The following CRACDL variants were observed in gnomAD, a reference collection of about 807,000 sequenced individuals.
CRACDL encodes CRACD-like protein.
Under a neutral mutation model 70.6 loss-of-function variants are expected in CRACDL, and 26 were observed. The observed-to-expected ratio is 0.37, with a 90% CI of 0.27 to 0.51. The LOEUF is 0.51. Ranked by LOEUF, CRACDL falls within the 20% of genes least tolerant of loss-of-function variation. CRACDL has a pLI of 0.94. For missense variants in CRACDL, 1,283 were observed against 1,376.9 expected (o/e 0.93, Z 1.08); for synonymous variants, 618 against 615.2 (o/e 1.00, Z -0.07).
intron 5 of CRACDL, among the ~76,000 whole-genome samples, chr2:98,831,571 T>A (rs1218494304): frequency 6.6e-6 from 1 of 152,218 alleles, no homozygotes; most frequent in Non-Finnish European, 1.5e-5. Context: ...CTATCCATCC[T>A]CCACAGTCAG....
At chr2:98,923,638 G>A (rs12464134) in intron 1 of CRACDL, among the ~76,000 whole-genome samples, 47,863 of 152,080 alleles carry the variant, frequency 0.31, 8,156 homozygotes, top group Admixed American at 0.45. Context: ...GGTCACATAT[G>A]TATACAGGCC....
chr2:98,824,240 G>GTCTGAGTGAC, intron 6 of CRACDL, among the ~76,000 whole-genome samples: 1 of 152,096 alleles, frequency 6.6e-6, no homozygotes. Context: ...CCTCAACACT[G>GTCTGAGTGAC]TGCCAGACAC....
At chr2:98,805,527 C>T (rs1343164109) in intron 7 of CRACDL, among the ~76,000 whole-genome samples, 3 of 152,080 alleles carry the variant, frequency 2.0e-5, no homozygotes, top group African/African-American at 7.2e-5. Context: ...CCTTTTCTAA[C>T]CACTGCCTCC....
intron 5 of CRACDL, among the ~76,000 whole-genome samples, chr2:98,827,374 C>T (rs886428177): frequency 1.3e-5 from 2 of 151,952 alleles, no homozygotes; most frequent in Admixed American, 1.3e-4. Flanking sequence ...GTGATCTCTG[C>T]TCACTGCAAC....
rs1165993409 is a variant in CRACDL, at chr2:98,929,976, T to A, written c.-11+5962A>T. Among the ~76,000 whole-genome samples, 4 of 152,136 alleles carry A rather than the reference T, an allele frequency of 2.6e-5. No homozygotes were observed. The East Asian group carries it at 7.7e-4, about 29-fold the overall frequency. On this transcript the variant is annotated intron_variant, in intron 1 of 9. Coordinates refer to ENST00000397899, the MANE Select transcript of CRACDL (RefSeq NM_207362.3). ...GGTGCTCGATACCACGATACATTTGTATGCACGGGACCAGTTACCCAGAGG... is the reference window on the plus strand; with the variant it reads ...GGTGCTCGATACCACGATACATTTGAATGCACGGGACCAGTTACCCAGAGG...
At chr2:98,820,730 T>C (rs1704991644) in intron 7 of CRACDL, among the ~76,000 whole-genome samples, 1 of 152,260 alleles carries the variant, frequency 6.6e-6, no homozygotes, top group African/African-American at 2.4e-5. Context: ...TATTCTTACG[T>C]TCTGCCTCAA....
At chr2:98,849,124 C>T (rs941644969) in intron 1 of CRACDL, among the ~76,000 whole-genome samples, 1 of 152,210 alleles carries the variant, frequency 6.6e-6, no homozygotes, top group Non-Finnish European at 1.5e-5. Flanking sequence ...ATCCAAAGGA[C>T]AGGATCTCCC....
At position 98,822,873 on chromosome 2, in the gene CRACDL, T is replaced by C; in HGVS notation, c.1400A>G (p.Glu467Gly). 1 of 1,467,038 alleles carries C rather than the reference T, an allele frequency of 6.8e-7. No homozygotes were observed. Among genetic ancestry groups the C allele is most frequent in the Non-Finnish European group, 8.9e-7 (1 of 1,119,648 alleles). 90.9% of individuals were successfully genotyped at this position (1,467,038 alleles called of 1,614,324 possible). Reference protein sequence around the residue: ...APEPEREAETEPERGAGTEPE... With the variant: ...APEPEREAETGPERGAGTEPE... ...CTCGGTCCCCGCTCCTCTCTCGGGC[T>C]CCGTCTCCGCTTCTCTCTCGGGCTC... The change falls in exon 7 of 10, where the codon GAG becomes GGG. Residue 467 changes from glutamate to glycine, a missense_variant. Physicochemically the swap from Glu to Gly is moderately conservative, Grantham distance 98. This residue lies in a region of CRACDL where 921 missense variants were observed against 881.9 expected (regional missense o/e 1.04). Coordinates refer to ENST00000397899, the MANE Select transcript of CRACDL (RefSeq NM_207362.3). The surrounding 1 kb of genome is among the most constrained non-coding windows in gnomAD (Gnocchi z 4.9).
At chr2:98,839,658 T>C (rs1705934940) in intron 2 of CRACDL, among the ~76,000 whole-genome samples, 1 of 151,678 alleles carries the variant, frequency 6.6e-6, no homozygotes, top group African/African-American at 2.4e-5. Flanking sequence ...GTTCAAACTA[T>C]ATTTCTTCTC....
At chr2:98,795,069 A>ATT (rs1559194957) in intron 9 of CRACDL, among the ~76,000 whole-genome samples, 1 of 28,904 alleles carries the variant, frequency 3.5e-5, no homozygotes, top group Non-Finnish European at 7.4e-5. Context: ...ATATATATAT[A>ATT]TATATATATT....
chr2:98,918,517 G>T lies in CRACDL; in HGVS notation c.-11+17421C>A, dbSNP rs142009118. 5.8e-5 allele frequency among the ~76,000 whole-genome samples: 7 copies of T among 121,466 alleles called. 1 individual carries two copies. The Admixed American group carries it at 7.3e-4, about 13-fold the overall frequency. The allele number at this position is 121,466 out of a possible 152,430, so 79.7% of individuals were successfully genotyped here. On this transcript the variant is annotated intron_variant, in intron 1 of 9. Coordinates refer to ENST00000397899, the MANE Select transcript of CRACDL (RefSeq NM_207362.3). ...CACGCCATTGCACTCCAGCCTGGGC[G>T]ACAGAGCAAGATGTTGTCTACCAAA...
chr2:98,865,798 CTTT>C (rs1157009185), intron 1 of CRACDL, among the ~76,000 whole-genome samples: 8 of 134,394 alleles, frequency 6.0e-5, no homozygotes, highest in South Asian at 2.4e-4. Context: ...GGACTTTCTG[CTTT>C]TTTTTTTTTT....
intron 1 of CRACDL, among the ~76,000 whole-genome samples, chr2:98,870,619 C>T (rs181532213): frequency 2.0e-4 from 31 of 152,242 alleles, no homozygotes; most frequent in Non-Finnish European, 3.5e-4. Context: ...GGGACAGGGA[C>T]TGGGCCCCAG....
chr2:98,880,126 T>C (rs1163814871), intron 1 of CRACDL, among the ~76,000 whole-genome samples: 1 of 152,242 alleles, frequency 6.6e-6, no homozygotes, highest in African/African-American at 2.4e-5. Context: ...GCGTACACTG[T>C]GTAATCCTCC....
chr2:98,834,222 A>G (rs1705671551), intron 3 of CRACDL, among the ~76,000 whole-genome samples: 3 of 152,232 alleles, frequency 2.0e-5, no homozygotes, highest in Non-Finnish European at 2.9e-5. Flanking sequence ...TGAGGAGTGG[A>G]GGCAGCATAA....
intron 1 of CRACDL, among the ~76,000 whole-genome samples, chr2:98,932,044 A>G (rs569554919): frequency 1.3e-5 from 2 of 152,358 alleles, no homozygotes; most frequent in East Asian, 3.9e-4. Flanking sequence ...AGACACAGAG[A>G]TCTAGAAAGA....
intron 2 of CRACDL, among the ~76,000 whole-genome samples, chr2:98,838,653 C>A (rs1197690589): frequency 6.6e-6 from 1 of 152,078 alleles, no homozygotes; most frequent in Admixed American, 6.6e-5. Flanking sequence ...AGTGACAGAG[C>A]AAGACCCTCT....
At chr2:98,915,759 A>G (rs1387620474) in intron 1 of CRACDL, among the ~76,000 whole-genome samples, 4 of 152,254 alleles carry the variant, frequency 2.6e-5, no homozygotes, top group Middle Eastern at 3.4e-3. Flanking sequence ...AACTTCGGAC[A>G]AGACATCAAG....
chr2:98,810,812 A>G (rs1704524383), intron 7 of CRACDL, among the ~76,000 whole-genome samples: 1 of 152,204 alleles, frequency 6.6e-6, no homozygotes, highest in Non-Finnish European at 1.5e-5. Flanking sequence ...ATACATAGGG[A>G]TTAAAATGGA....
Sources: allele counts gnomAD v4.1 joint callset (sites outside exome capture counted in the v4.1 genomes callset), GRCh38; gene constraint gnomAD v4.1.1; regional missense constraint gnomAD v4.1.1; non-coding constraint Gnocchi (gnomAD v3.1); transcripts MANE v1.5; gene names NCBI Gene and HGNC (gene_info 2026-07-23, HGNC 2026-07-21).